The following PRCP variants were observed in gnomAD, a reference collection of about 807,000 sequenced individuals.
The protein encoded by PRCP is lysosomal Pro-X carboxypeptidase.
A neutral mutation model predicts 54.2 loss-of-function variants in PRCP; 46 were observed. The observed-to-expected ratio is 0.85, with a 90% CI of 0.67 to 1.09. The LOEUF is 1.09. Among genes scored for constraint, PRCP ranks in the 50% least tolerant of loss-of-function variants. PRCP has a pLI of 0.00. For synonymous variants in PRCP, 240 were observed against 212.2 expected, an observed-to-expected ratio of 1.13 and a Z score of -1.14; for missense variants, 613 against 596.8, an observed-to-expected ratio of 1.03 and a Z score of -0.28.
chr11:82,852,348 C>A (rs1443050087), intron 3 of PRCP, among the ~76,000 whole-genome samples: 1 of 152,060 alleles, frequency 6.6e-6, no homozygotes. Flanking sequence ...AAATAGGCAG[C>A]CTAGTAAAGG....
intron 3 of PRCP, among the ~76,000 whole-genome samples, chr11:82,851,721 C>T (rs1681865944): frequency 6.6e-6 from 1 of 152,080 alleles, no homozygotes; most frequent in African/African-American, 2.4e-5. Flanking sequence ...CTCTATTAGG[C>T]TACCCTGTTT....
chr11:82,880,150 G>A (rs59390929), intron 1 of PRCP, among the ~76,000 whole-genome samples: 6,181 of 152,300 alleles, frequency 0.041, 244 homozygotes, highest in African/African-American at 0.095. Context: ...GTCTACAGAG[G>A]CAGGCAGGCA....
At chr11:82,850,560 G>A in intron 3 of PRCP, 55 bp from the exon 4 acceptor site, 1 of 1,293,760 alleles carries the variant, frequency 7.7e-7, no homozygotes. Context: ...CAGCAGCTTA[G>A]GAATAGCATG....
chr11:82,882,295 T>C (rs917289630), intron 1 of PRCP, among the ~76,000 whole-genome samples: 6 of 152,252 alleles, frequency 3.9e-5, no homozygotes, highest in African/African-American at 1.4e-4. Context: ...GTAGTATTCA[T>C]AGTAATGTGA....
intron 8 of PRCP, 166 bp from the exon 9 acceptor site, chr11:82,825,288 C>T: frequency 4.5e-6 from 3 of 660,102 alleles, no homozygotes; most frequent in Non-Finnish European, 7.6e-6. Flanking sequence ...ATACTTCATA[C>T]TGGAGTTTTG....
At chr11:82,848,653 T>C (rs894661516) in intron 6 of PRCP, among the ~76,000 whole-genome samples, 7 of 152,222 alleles carry the variant, frequency 4.6e-5, no homozygotes, top group African/African-American at 1.7e-4. Context: ...ATGACTGCCA[T>C]TTATTAAGCA....
chr11:82,891,827 A>G (rs571919803), intron 1 of PRCP, among the ~76,000 whole-genome samples: 2 of 152,282 alleles, frequency 1.3e-5, no homozygotes, highest in South Asian at 2.1e-4. Flanking sequence ...TTCATTTTCC[A>G]TTTTGCTTTT....
intron 2 of PRCP, 49 bp downstream of exon 2, chr11:82,859,928 C>A (rs757050341): frequency 1.3e-6 from 2 of 1,496,322 alleles, no homozygotes; most frequent in Non-Finnish European, 1.8e-6. Flanking sequence ...TCCAAGTTAT[C>A]ATAATAAAAG....
chr11:82,884,760 T>G, intron 1 of PRCP: 1 of 1,604,274 alleles, frequency 6.2e-7, no homozygotes, highest in Non-Finnish European at 8.5e-7. Context: ...TATTAGCTAC[T>G]TAACCAAGTT....
intron 1 of PRCP, among the ~76,000 whole-genome samples, chr11:82,880,723 C>T (rs1859727636): frequency 6.6e-6 from 1 of 151,774 alleles, no homozygotes; most frequent in South Asian, 2.1e-4. Context: ...ACAAGCCCTG[C>T]TATTATGCAA....
At chr11:82,851,097 T>C (rs1028640647) in intron 3 of PRCP, among the ~76,000 whole-genome samples, 3 of 152,198 alleles carry the variant, frequency 2.0e-5, no homozygotes, top group Non-Finnish European at 4.4e-5. Flanking sequence ...ACTCATAATG[T>C]TAAGTTTCAT....
chr11:82,837,230 T>G (rs1046542692), intron 8 of PRCP: 1 of 184,234 alleles, frequency 5.4e-6, no homozygotes, highest in African/African-American at 2.4e-5. Flanking sequence ...CTAACCAATT[T>G]GCTAATCACT....
At chr11:82,895,524 T>C (rs970555343) in intron 1 of PRCP, among the ~76,000 whole-genome samples, 3 of 152,138 alleles carry the variant, frequency 2.0e-5, no homozygotes, top group African/African-American at 4.8e-5. Context: ...TGACCCTCTA[T>C]AATTTAGATC....
chr11:82,825,571 C>T (rs1354471943), intron 8 of PRCP: 1 of 150,338 alleles, frequency 6.7e-6, no homozygotes, highest in Non-Finnish European at 1.4e-5. Flanking sequence ...GAGTTCAAAA[C>T]AAGCCTGGGC....
intron 3 of PRCP, 51 bp from the exon 4 acceptor site, chr11:82,850,556 C>G: frequency 7.5e-7 from 1 of 1,336,316 alleles, no homozygotes; most frequent in South Asian, 1.8e-5. Flanking sequence ...ATAACAGCAG[C>G]TTAGGAATAG....
intron 2 of PRCP, 143 bp downstream of exon 2, chr11:82,859,834 G>T: frequency 1.4e-6 from 1 of 698,208 alleles, no homozygotes; most frequent in Non-Finnish European, 2.1e-6. Context: ...TCTATTATTA[G>T]TGTGTTAATT....
At chr11:82,892,643 T>C (rs1416057284) in intron 1 of PRCP, among the ~76,000 whole-genome samples, 1 of 152,186 alleles carries the variant, frequency 6.6e-6, no homozygotes, top group Non-Finnish European at 1.5e-5. Context: ...AATAAATAAG[T>C]TCCTTTTTAT....
chr11:82,872,225 G>A (rs375342419), intron 1 of PRCP, among the ~76,000 whole-genome samples: 2 of 152,250 alleles, frequency 1.3e-5, no homozygotes, highest in East Asian at 1.9e-4. Flanking sequence ...GTCTTGAAAC[G>A]TATCCCCCGC....
intron 6 of PRCP, among the ~76,000 whole-genome samples, chr11:82,844,732 C>CAAAAAAA (rs11284339): frequency 3.3e-5 from 3 of 91,180 alleles, no homozygotes; most frequent in Non-Finnish European, 4.4e-5. Context: ...GGCTCCGTCT[C>CAAAAAAA]AAAAAAAAAA....
Sources: gnomAD v4.1 joint callset for allele counts (sites outside exome capture counted in the v4.1 genomes callset) on GRCh38, gnomAD v4.1.1 for gene constraint, MANE v1.5 for transcripts, NCBI Gene and HGNC (gene_info 2026-07-23, HGNC 2026-07-21) for gene names.